CLSTN2: variants seen among roughly 807,000 people sequenced by gnomAD.
CLSTN2 encodes calsyntenin-2.
CLSTN2 carries 48 observed loss-of-function variants against 101.2 expected under a neutral mutation model. That is an observed-to-expected ratio of 0.47 (90% CI 0.38 to 0.60). The LOEUF (loss-of-function observed/expected upper bound fraction) is 0.60. Ranked by LOEUF, CLSTN2 falls within the 20% of genes least tolerant of loss-of-function variation. The probability of loss-of-function intolerance (pLI) is 0.00; values close to 1 mark genes in which losing one functional copy is unlikely to be tolerated. For missense variants in CLSTN2, 1,160 were observed against 1,238.2 expected, an observed-to-expected ratio of 0.94 and a Z score of 0.95; for synonymous variants, 481 against 463.6, an observed-to-expected ratio of 1.04 and a Z score of -0.48.
In CLSTN2 at chr3:139,939,835, C is replaced by T. The variant is rs142615097; in HGVS notation, c.109+4352C>T. 5.3e-5 allele frequency among the ~76,000 whole-genome samples: 8 copies of T among 152,270 alleles called. No homozygotes were observed. In the East Asian group the frequency reaches 1.5e-3, roughly 29 times the overall value. ...CATTTTTCCAACTGAAGCACAAATG[C>T]CAAAAAGCCCTCAGCAATGCATCAG... On this transcript the variant is annotated intron_variant, in intron 1 of 16. Coordinates refer to ENST00000458420, the MANE Select transcript of CLSTN2 (RefSeq NM_022131.3).
chr3:140,409,442 T>C (rs1465667098), intron 4 of CLSTN2, among the ~76,000 whole-genome samples: 1 of 152,038 alleles, frequency 6.6e-6, no homozygotes, highest in Non-Finnish European at 1.5e-5. Flanking sequence ...CAATAAGACA[T>C]TGCATCCCTC....
At chr3:140,393,126 T>C (rs1208517729) in intron 2 of CLSTN2, among the ~76,000 whole-genome samples, 2 of 152,206 alleles carry the variant, frequency 1.3e-5, no homozygotes, top group African/African-American at 2.4e-5. Context: ...ACTGCCACAT[T>C]GGGGATTAAA....
chr3:140,291,716 G>T (rs1453464502), intron 2 of CLSTN2, among the ~76,000 whole-genome samples: 1 of 150,872 alleles, frequency 6.6e-6, no homozygotes, highest in Non-Finnish European at 1.5e-5. Flanking sequence ...ACCATCTCAA[G>T]CACTTTAATC....
chr3:140,540,383 T>C (rs988838251), intron 9 of CLSTN2, among the ~76,000 whole-genome samples: 1 of 152,194 alleles, frequency 6.6e-6, no homozygotes, highest in African/African-American at 2.4e-5. Flanking sequence ...CCTACAGCTG[T>C]GTGAGCATCC....
intron 2 of CLSTN2, among the ~76,000 whole-genome samples, chr3:140,385,008 T>C (rs2088034572): frequency 1.3e-5 from 2 of 152,192 alleles, no homozygotes. Flanking sequence ...AGAAAAGAAG[T>C]GGGCAAATCC....
intron 2 of CLSTN2, among the ~76,000 whole-genome samples, chr3:140,291,300 C>G (rs936968443): frequency 1.5e-4 from 23 of 151,844 alleles, no homozygotes; most frequent in African/African-American, 4.3e-4. Flanking sequence ...TCTCTCCCCT[C>G]CAGGCTGTCC....
chr3:140,322,410 T>C (rs1379950978), intron 2 of CLSTN2, among the ~76,000 whole-genome samples: 2 of 152,136 alleles, frequency 1.3e-5, no homozygotes, highest in East Asian at 1.9e-4. Flanking sequence ...GGACCTCAGA[T>C]GCTGGTGGGG....
intron 1 of CLSTN2, among the ~76,000 whole-genome samples, chr3:140,161,533 C>A (rs181932449): frequency 1.3e-5 from 2 of 152,256 alleles, no homozygotes; most frequent in East Asian, 3.9e-4. Flanking sequence ...TGCTAGTGAT[C>A]CAGTCAACAA....
chr3:140,439,915 T>A (rs1310762913), intron 5 of CLSTN2, among the ~76,000 whole-genome samples: 1 of 152,248 alleles, frequency 6.6e-6, no homozygotes, highest in Non-Finnish European at 1.5e-5. Context: ...TGGGTGTGTA[T>A]CTATGTGTAT....
chr3:140,482,280 G>C (rs1054565685), intron 8 of CLSTN2, among the ~76,000 whole-genome samples: 1 of 152,184 alleles, frequency 6.6e-6, no homozygotes, highest in Non-Finnish European at 1.5e-5. Context: ...ATCCAGCCTT[G>C]CATCCCAGGG....
At chr3:140,034,179 G>T (rs2007611476) in intron 1 of CLSTN2, among the ~76,000 whole-genome samples, 1 of 152,176 alleles carries the variant, frequency 6.6e-6, no homozygotes, top group Non-Finnish European at 1.5e-5. Context: ...GCAGTGCATA[G>T]AAATTAATAA....
At chr3:140,150,304 C>A (rs2009843066) in intron 1 of CLSTN2, among the ~76,000 whole-genome samples, 1 of 152,164 alleles carries the variant, frequency 6.6e-6, no homozygotes, top group Admixed American at 6.5e-5. Context: ...GAGTTCAAAT[C>A]CAGCTTTAGG....
Position 139,968,502 on chromosome 3 carries a change from A to G in CLSTN2, c.109+33019A>G, listed in dbSNP as rs554794463. On this transcript the variant is annotated intron_variant, in intron 1 of 16. Coordinates refer to ENST00000458420, the MANE Select transcript of CLSTN2 (RefSeq NM_022131.3). ...TACTCTTTTGTCATGTGAGAATACA[A>G]TGCTGCTCCCCGTTTTGCTCTTCCA... is the stretch of plus-strand genomic sequence containing the variant. 7.9e-5 allele frequency among the ~76,000 whole-genome samples: 12 copies of G among 152,322 alleles called. No homozygotes were observed. The South Asian group carries it at 1.9e-3, about 24-fold the overall frequency.
intron 2 of CLSTN2, among the ~76,000 whole-genome samples, chr3:140,239,256 T>G (rs1289551170): frequency 6.6e-6 from 1 of 152,080 alleles, no homozygotes. Context: ...TTTGTTAGAG[T>G]TGCAGAATAG....
chr3:140,351,601 C>T (rs1052795686), intron 2 of CLSTN2, among the ~76,000 whole-genome samples: 2 of 152,172 alleles, frequency 1.3e-5, no homozygotes, highest in African/African-American at 2.4e-5. Context: ...GTCTCTATCA[C>T]AACTACTCAG....
intron 2 of CLSTN2, among the ~76,000 whole-genome samples, chr3:140,324,853 G>C (rs1181290143): frequency 6.6e-6 from 1 of 152,138 alleles, no homozygotes; most frequent in Admixed American, 6.5e-5. Flanking sequence ...ACTGAGAACA[G>C]GTTATATAAA....
intron 2 of CLSTN2, among the ~76,000 whole-genome samples, chr3:140,226,852 A>C (rs2086325253): frequency 6.6e-6 from 1 of 152,124 alleles, no homozygotes; most frequent in Non-Finnish European, 1.5e-5. Context: ...TGCAAAAAAA[A>C]ACTCCCATTT....
At chr3:140,422,147 G>A (rs1456337217) in intron 5 of CLSTN2, among the ~76,000 whole-genome samples, 1 of 151,460 alleles carries the variant, frequency 6.6e-6, no homozygotes, top group Non-Finnish European at 1.5e-5. Flanking sequence ...GTGTCTTTAA[G>A]CTTCTGCCTC....
chr3:140,465,631 A>ACC (rs1255126082), intron 7 of CLSTN2, among the ~76,000 whole-genome samples: 1 of 152,252 alleles, frequency 6.6e-6, no homozygotes, highest in Non-Finnish European at 1.5e-5. Context: ...TGGTATATAC[A>ACC]GGATGTACAG....
Sources: allele counts gnomAD v4.1 joint callset (sites outside exome capture counted in the v4.1 genomes callset), GRCh38; gene constraint gnomAD v4.1.1; transcripts MANE v1.5; gene names NCBI Gene and HGNC (gene_info 2026-07-23, HGNC 2026-07-21).